KAZN: variants seen among roughly 807,000 people sequenced by gnomAD.
KAZN encodes kazrin.
Under a neutral mutation model 87.4 loss-of-function variants are expected in KAZN, and 40 were observed. The observed-to-expected ratio is 0.46, with a 90% CI of 0.36 to 0.60. The LOEUF is 0.60. KAZN is among the 20% of genes least tolerant of loss of function. KAZN has a pLI of 0.00. For missense variants in KAZN, 898 were observed against 1,073.9 expected, an observed-to-expected ratio of 0.84 and a Z score of 2.29; for synonymous variants, 466 against 458.3, an observed-to-expected ratio of 1.02 and a Z score of -0.22.
Position 14,186,591 on chromosome 1 carries a change from ACT to A in KAZN, c.249+6002_249+6003del, listed in dbSNP as rs1473031880. ...TGATCAAGATTCAAATTCTTGGAAAACTCTGAATGATCTGTCTTAGGTCACTG... is the reference window on the plus strand; with the variant it reads ...TGATCAAGATTCAAATTCTTGGAAAACTGAATGATCTGTCTTAGGTCACTG... On this transcript the variant is annotated intron_variant, in intron 2 of 16. Coordinates refer to the KAZN transcript ENST00000636203. 2.6e-5 allele frequency among the ~76,000 whole-genome samples: 4 copies of A among 151,662 alleles called. No homozygotes were observed. The South Asian group carries it at 8.3e-4, about 32-fold the overall frequency.
chr1:14,621,598 A>C (rs1449096311), intron 1 of KAZN, among the ~76,000 whole-genome samples: 2 of 152,194 alleles, frequency 1.3e-5, no homozygotes, highest in African/African-American at 4.8e-5. Context: ...GCTGTGCCCC[A>C]CCCAAATCTC....
intron 1 of KAZN, among the ~76,000 whole-genome samples, chr1:14,173,072 C>G (rs1436519388): frequency 6.6e-6 from 1 of 152,160 alleles, no homozygotes; most frequent in Non-Finnish European, 1.5e-5. Flanking sequence ...TGGGGACAAC[C>G]TTGTCACTAA....
At chr1:14,386,480 C>T (rs1661904822) in intron 2 of KAZN, among the ~76,000 whole-genome samples, 1 of 151,904 alleles carries the variant, frequency 6.6e-6, no homozygotes, top group East Asian at 1.9e-4. Flanking sequence ...TTTAGCACTT[C>T]CTTCAGGAGC....
intron 2 of KAZN, among the ~76,000 whole-genome samples, chr1:15,003,011 C>CACACACAA (rs1196221202): frequency 2.7e-5 from 4 of 150,594 alleles, no homozygotes; most frequent in Non-Finnish European, 4.4e-5. Context: ...AACGTACACA[C>CACACACAA]ACACACACAC....
intron 8 of KAZN, among the ~76,000 whole-genome samples, chr1:15,080,203 G>A (rs1639931986): frequency 6.6e-6 from 1 of 152,196 alleles, no homozygotes; most frequent in Non-Finnish European, 1.5e-5. Context: ...GCAAGACGGT[G>A]GCACCAAAAT....
intron 1 of KAZN, among the ~76,000 whole-genome samples, chr1:14,713,030 T>C (rs1414432149): frequency 6.6e-6 from 1 of 152,108 alleles, no homozygotes; most frequent in Non-Finnish European, 1.5e-5. Context: ...GCATAGACAG[T>C]GAGTACACAA....
intron 1 of KAZN, among the ~76,000 whole-genome samples, chr1:14,701,068 C>T (rs1641894088): frequency 6.6e-6 from 1 of 152,108 alleles, no homozygotes; most frequent in African/African-American, 2.4e-5. Context: ...AAGATGTGGC[C>T]CCCACCATGC....
chr1:14,124,051 C>G (rs532862125), intron 1 of KAZN, among the ~76,000 whole-genome samples: 14 of 152,320 alleles, frequency 9.2e-5, no homozygotes, highest in African/African-American at 2.6e-4. Flanking sequence ...ACTTTTCCCT[C>G]CATTTCCAAG....
chr1:14,516,508 A>G (rs890637874), intron 2 of KAZN, among the ~76,000 whole-genome samples: 1 of 152,250 alleles, frequency 6.6e-6, no homozygotes, highest in African/African-American at 2.4e-5. Flanking sequence ...ATGAGACTCA[A>G]GTCTATGAGT....
intron 8 of KAZN, among the ~76,000 whole-genome samples, chr1:15,087,871 C>T (rs1640336536): frequency 6.6e-6 from 1 of 152,218 alleles, no homozygotes; most frequent in Non-Finnish European, 1.5e-5. Context: ...ACTTTGCACA[C>T]ATCATTTCAT....
intron 2 of KAZN, among the ~76,000 whole-genome samples, chr1:14,208,883 A>G (rs895707070): frequency 6.6e-6 from 1 of 152,170 alleles, no homozygotes; most frequent in Admixed American, 6.5e-5. Flanking sequence ...CCCAAACTCC[A>G]TTCTCATGCC....
At chr1:14,124,912 G>A (rs1243520991) in intron 1 of KAZN, among the ~76,000 whole-genome samples, 1 of 152,184 alleles carries the variant, frequency 6.6e-6, no homozygotes, top group Non-Finnish European at 1.5e-5. Context: ...AGGGGAGAGA[G>A]GGAGACACAG....
intron 1 of KAZN, among the ~76,000 whole-genome samples, chr1:14,844,275 G>A (rs759828720): frequency 2.6e-5 from 4 of 152,136 alleles, no homozygotes; most frequent in Non-Finnish European, 5.9e-5. Context: ...AAAATGATTT[G>A]CCTCTCTAAG....
At chr1:14,745,360 G>C (rs952405448) in intron 1 of KAZN, among the ~76,000 whole-genome samples, 3 of 151,956 alleles carry the variant, frequency 2.0e-5, no homozygotes, top group African/African-American at 7.3e-5. Flanking sequence ...AGATAGGAAT[G>C]ATAGTACAAG....
At chr1:14,834,666 A>C (rs1406321891) in intron 1 of KAZN, among the ~76,000 whole-genome samples, 1 of 152,180 alleles carries the variant, frequency 6.6e-6, no homozygotes, top group Non-Finnish European at 1.5e-5. Context: ...CAGCTGAAAC[A>C]ACATCATTTT....
rs141048660 is a variant in KAZN at position 14,103,372 on chromosome 1, T to A, written c.92-77063T>A. On this transcript the variant is annotated intron_variant, in intron 1 of 16. Coordinates refer to the KAZN transcript ENST00000636203. ...ACTTCGATATATAAATTGGAGTGAATGGGAGAAAGGAGACACAATTCAGCC... is the reference window on the plus strand; with the variant it reads ...ACTTCGATATATAAATTGGAGTGAAAGGGAGAAAGGAGACACAATTCAGCC... 3.1e-4 allele frequency among the ~76,000 whole-genome samples: 47 copies of A among 152,300 alleles called. 1 individual carries two copies. The highest frequency in any genetic ancestry group is 1.1e-3 in the African/African-American group (47 of 41,564).
chr1:13,950,541 A>T (rs953575231), intron 1 of KAZN, among the ~76,000 whole-genome samples: 1 of 152,168 alleles, frequency 6.6e-6, no homozygotes, highest in Non-Finnish European at 1.5e-5. Context: ...TCCTTACTAG[A>T]CTATCAGGAA....
intron 1 of KAZN, among the ~76,000 whole-genome samples, chr1:14,716,522 A>T (rs1642803558): frequency 6.6e-6 from 1 of 151,984 alleles, no homozygotes; most frequent in Non-Finnish European, 1.5e-5. Flanking sequence ...CCCTTGGACC[A>T]TTGCAGTAAC....
chr1:15,040,286 C>G (rs1367449827), intron 3 of KAZN, among the ~76,000 whole-genome samples: 1 of 152,244 alleles, frequency 6.6e-6, no homozygotes, highest in Non-Finnish European at 1.5e-5. Context: ...CTGGAACCCT[C>G]AGGTTCCCTC....
Sources: allele counts gnomAD v4.1 joint callset (sites outside exome capture counted in the v4.1 genomes callset), GRCh38; gene constraint gnomAD v4.1.1; transcripts MANE v1.5; gene names NCBI Gene and HGNC (gene_info 2026-07-23, HGNC 2026-07-21).